Variants in TGFBR3 observed in about 807,000 individuals in gnomAD.
The protein encoded by TGFBR3 is transforming growth factor beta receptor 3, also known as transforming growth factor beta receptor type 3.
In TGFBR3, 46 loss-of-function variants were observed where a neutral mutation model predicts 87.9. The ratio of observed to expected loss-of-function variants is 0.52; its 90% CI spans 0.41 to 0.67. The LOEUF (loss-of-function observed/expected upper bound fraction) is 0.67, where lower values mean the gene tolerates loss of function less well. Among genes scored for constraint, TGFBR3 ranks in the 30% least tolerant of loss-of-function variants. The pLI, the probability that TGFBR3 is intolerant of heterozygous loss-of-function variation, is 0.00. For synonymous variants in TGFBR3, 381 were observed against 391.6 expected, an observed-to-expected ratio of 0.97 and a Z score of 0.32; for missense variants, 866 against 1,041.9, an observed-to-expected ratio of 0.83 and a Z score of 2.32.
rs1332121428 is a variant in TGFBR3 at position 91,682,492 on chromosome 1, T to C, written c.*1247A>G. 1.6e-5 allele frequency: 7 copies of C among 450,284 alleles called. No individual in the cohort carries two copies. The highest frequency in any genetic ancestry group is 6.8e-4 in the Middle Eastern group (1 of 1,464). The allele number at this position is 450,284 out of a possible 1,614,324, so 27.9% of individuals were successfully genotyped here. A position where few individuals can be genotyped will look rare whatever the true frequency, so the allele number is the denominator to read the frequency against. ...CATCATATTATTCCATTTAATGAAA[T>C]TCACCTCAAGCCCTTTTTGACATAT... On this transcript the variant is annotated 3_prime_UTR_variant, in exon 17 of 17. Coordinates refer to ENST00000212355, the MANE Select transcript of TGFBR3 (RefSeq NM_003243.5).
intron 2 of TGFBR3, among the ~76,000 whole-genome samples, chr1:91,893,473 G>T (rs1679489308): frequency 6.6e-6 from 1 of 152,082 alleles, no homozygotes; most frequent in Admixed American, 6.6e-5. Flanking sequence ...CTGTAGAGCA[G>T]GGTTTCACCA....
At position 91,811,888 on chromosome 1, in the gene TGFBR3, CTTTTTTT is replaced by C. The variant is rs754451265; in HGVS notation, c.62-14424_62-14418del. On this transcript the variant is annotated intron_variant, in intron 2 of 16. Transcript: ENST00000212355. Reference sequence around the variant, plus strand: ...ATATGATGTTTCAAAGCTGATTTCCCTTTTTTTTTTTTTTTGAAGTTTGTCACATTCA... The same window carrying C: ...ATATGATGTTTCAAAGCTGATTTCCCTTTTTTTTGAAGTTTGTCACATTCA... 1.9e-4 allele frequency among the ~76,000 whole-genome samples: 27 copies of C among 141,542 alleles called. 1 individual carries two copies. The highest frequency in any genetic ancestry group is 2.1e-4 in the Admixed American group (3 of 14,072). 92.9% of individuals were successfully genotyped at this position (141,542 alleles called of 152,430 possible).
At chr1:91,730,571 C>T (rs1672731398) in intron 5 of TGFBR3, among the ~76,000 whole-genome samples, 1 of 152,148 alleles carries the variant, frequency 6.6e-6, no homozygotes, top group South Asian at 2.1e-4. Context: ...ATCTAAAAAT[C>T]CAATACTTAT....
At chr1:91,764,317 C>CAAAAAAAAAAAA (rs200776741) in intron 3 of TGFBR3, among the ~76,000 whole-genome samples, 145 of 76,754 alleles carry the variant, frequency 1.9e-3, no homozygotes, top group Middle Eastern at 0.018. Context: ...ACAAAAGAGA[C>CAAAAAAAAAAAA]AAAAAAAAAA....
intron 9 of TGFBR3, among the ~76,000 whole-genome samples, 163 bp downstream of exon 9, chr1:91,719,730 T>A (rs183870922): frequency 2.0e-5 from 3 of 151,838 alleles, no homozygotes; most frequent in Non-Finnish European, 4.4e-5. Flanking sequence ...AGGAACCAGG[T>A]GAGAATCACA....
intron 3 of TGFBR3, among the ~76,000 whole-genome samples, chr1:91,773,779 C>T (rs284200): frequency 0.41 from 62,691 of 152,136 alleles, 13,594 homozygotes; most frequent in African/African-American, 0.53. Flanking sequence ...CTAAAATGAT[C>T]TGTGTACTCA....
intron 2 of TGFBR3, among the ~76,000 whole-genome samples, chr1:91,838,860 T>C (rs1315822166): frequency 5.3e-5 from 8 of 152,230 alleles, no homozygotes; most frequent in Non-Finnish European, 1.0e-4. Context: ...GGTTTTCCCA[T>C]CTACTTTTGC....
At chr1:91,819,699 A>G (rs922553527) in intron 2 of TGFBR3, among the ~76,000 whole-genome samples, 8 of 151,914 alleles carry the variant, frequency 5.3e-5, no homozygotes, top group East Asian at 1.9e-4. Flanking sequence ...CATGAATCAC[A>G]CCTCCAAGTC....
upstream of TGFBR3, among the ~76,000 whole-genome samples, chr1:91,891,069 T>C (rs1011101985): frequency 3.3e-5 from 5 of 152,088 alleles, no homozygotes; most frequent in Non-Finnish European, 7.4e-5. Context: ...GGCTAATTTT[T>C]GTATTTTTAG....
intron 4 of TGFBR3, among the ~76,000 whole-genome samples, chr1:91,742,388 A>C (rs1673188121): frequency 6.6e-6 from 1 of 152,220 alleles, no homozygotes; most frequent in African/African-American, 2.4e-5. Context: ...GTTGAATGAA[A>C]GCTCAATGTT....
At chr1:91,732,074 G>A (rs146533645) in intron 5 of TGFBR3, among the ~76,000 whole-genome samples, 156 of 152,304 alleles carry the variant, frequency 1.0e-3, no homozygotes, top group African/African-American at 3.5e-3. Context: ...GGCAGGGGGA[G>A]TCACATGCTT....
At position 91,681,551 on chromosome 1, in the gene TGFBR3, T is replaced by C. The variant is rs1220650299; in HGVS notation, c.*2188A>G. ...GTTTTAACCCTGTCCTTCTAAGACA[T>C]CAATCTTTTAATATCTCCTAATAGC... On this transcript the variant is annotated 3_prime_UTR_variant, in exon 17 of 17. Coordinates refer to ENST00000212355, the MANE Select transcript of TGFBR3 (RefSeq NM_003243.5). 5.3e-6 allele frequency: 2 copies of C among 375,150 alleles called. No individual in the cohort carries two copies. The highest frequency in any genetic ancestry group is 2.1e-5 in the South Asian group (1 of 46,550). 23.2% of individuals were successfully genotyped at this position (375,150 alleles called of 1,614,324 possible).
intron 3 of TGFBR3, among the ~76,000 whole-genome samples, chr1:91,781,429 G>A (rs920774002): frequency 7.9e-5 from 12 of 152,292 alleles, no homozygotes; most frequent in African/African-American, 2.6e-4. Context: ...AACATGCTGC[G>A]CTGCCTGTGC....
intron 3 of TGFBR3, among the ~76,000 whole-genome samples, chr1:91,774,543 A>G (rs778157111): frequency 2.0e-5 from 3 of 152,234 alleles, no homozygotes; most frequent in Non-Finnish European, 4.4e-5. Flanking sequence ...TTTAAAAAAA[A>G]GAGTAAATGC....
In TGFBR3 at chr1:91,724,830, G is replaced by A. The variant is rs566434442; in HGVS notation, c.886-2686C>T. ...GAAAGATAAGGAGTTAAGTCTAAGT[G>A]CCTCCACACTCCCCCATATTTACAT... On this transcript the variant is annotated intron_variant, in intron 7 of 16. Coordinates refer to ENST00000212355, the MANE Select transcript of TGFBR3 (RefSeq NM_003243.5). Among the ~76,000 whole-genome samples the A allele has an allele frequency of 2.3e-4, 35 of 152,258 alleles. 1 individual carries two copies. Among genetic ancestry groups the A allele is most frequent in the African/African-American group, 7.7e-4 (32 of 41,554 alleles).
At chr1:91,880,977 C>T (rs1679061445) in intron 1 of TGFBR3, among the ~76,000 whole-genome samples, 1 of 151,690 alleles carries the variant, frequency 6.6e-6, no homozygotes, top group Admixed American at 6.6e-5. Flanking sequence ...CTGACAATTA[C>T]AATTTTTATC....
At chr1:91,754,456 G>A (rs1204043782) in intron 4 of TGFBR3, among the ~76,000 whole-genome samples, 7 of 152,026 alleles carry the variant, frequency 4.6e-5, no homozygotes, top group Non-Finnish European at 8.8e-5. Flanking sequence ...ACTTCATCAC[G>A]TGTGTGTGTG....
At chr1:91,787,389 C>T (rs1164844065) in intron 3 of TGFBR3, among the ~76,000 whole-genome samples, 1 of 152,164 alleles carries the variant, frequency 6.6e-6, no homozygotes, top group African/African-American at 2.4e-5. Context: ...AAGTAACTCA[C>T]CCAGGGTCAC....
intron 2 of TGFBR3, among the ~76,000 whole-genome samples, chr1:91,829,096 C>T (rs1177153142): frequency 2.2e-4 from 33 of 152,092 alleles, no homozygotes; most frequent in Admixed American, 2.2e-3. Flanking sequence ...CACAGTGTGG[C>T]TGGGCACGAT....
Sources: gnomAD v4.1 joint callset for allele counts (sites outside exome capture counted in the v4.1 genomes callset) on GRCh38, gnomAD v4.1.1 for gene constraint, MANE v1.5 for transcripts, NCBI Gene and HGNC (gene_info 2026-07-23, HGNC 2026-07-21) for gene names.